NCAM1: variants seen among roughly 807,000 people sequenced by gnomAD.
The protein encoded by NCAM1 is neural cell adhesion molecule 1.
A neutral mutation model predicts 109.8 loss-of-function variants in NCAM1; 14 were observed. The ratio of observed to expected loss-of-function variants is 0.13; its 90% CI spans 0.08 to 0.20. The LOEUF (loss-of-function observed/expected upper bound fraction) is 0.20, where lower values mean the gene tolerates loss of function less well. NCAM1 is among the 10% of genes least tolerant of loss of function. The pLI is 1.00. For synonymous variants in NCAM1, 418 were observed against 442.9 expected, an observed-to-expected ratio of 0.94 and a Z score of 0.70; for missense variants, 774 against 1,109.9, an observed-to-expected ratio of 0.70 and a Z score of 4.30.
At chr11:113,110,130 G>T (rs1037547794) in intron 1 of NCAM1, among the ~76,000 whole-genome samples, 3 of 152,088 alleles carry the variant, frequency 2.0e-5, no homozygotes, top group Non-Finnish European at 4.4e-5. Context: ...TTTTAATTCA[G>T]TTGCCATTTA....
At chr11:113,043,923 T>C (rs1365472578) in intron 1 of NCAM1, among the ~76,000 whole-genome samples, 2 of 151,312 alleles carry the variant, frequency 1.3e-5, no homozygotes, top group African/African-American at 4.9e-5. Context: ...TAAATGTGCC[T>C]AGATGTTTTT....
In NCAM1 at chr11:113,233,143, A is replaced by G; in HGVS notation, c.1523-4A>G. On this transcript the variant is annotated splice_polypyrimidine_tract_variant and splice_region_variant and intron_variant, in intron 12 of 19. Coordinates refer to ENST00000316851, the MANE Select transcript of NCAM1 (RefSeq NM_181351.5). This position sits in a 1 kb window ranked among gnomAD's most constrained non-coding sequence, Gnocchi z 4.5. ...CTGAGTCTCCATATGTGTCTTCCCC[A>G]CAGACACCCCCTCTTCACCATCCAT... is the stretch of plus-strand genomic sequence containing the variant. 5 of 1,611,526 alleles carry G rather than the reference A, an allele frequency of 3.1e-6. No homozygotes were observed. The highest frequency in any genetic ancestry group is 4.2e-6 in the Non-Finnish European group (5 of 1,179,288).
At chr11:113,109,215 G>A (rs1940320051) in intron 1 of NCAM1, among the ~76,000 whole-genome samples, 1 of 151,620 alleles carries the variant, frequency 6.6e-6, no homozygotes, top group Non-Finnish European at 1.5e-5. Flanking sequence ...GGGCGTGGTG[G>A]CATGCACCTG....
chr11:113,134,801 A>G (rs1941539394), intron 1 of NCAM1, among the ~76,000 whole-genome samples: 1 of 152,156 alleles, frequency 6.6e-6, no homozygotes, highest in Admixed American at 6.5e-5. Flanking sequence ...TTTCATGTAA[A>G]TGATGTGAGC....
Position 113,126,729 on chromosome 11 carries a change from A to G in NCAM1, c.53-75650A>G, listed in dbSNP as rs140811516. Among the ~76,000 whole-genome samples the G allele has an allele frequency of 3.0e-3, 450 of 152,310 alleles. 2 individuals carry two copies. The highest frequency in any genetic ancestry group is 0.01 in the African/African-American group (433 of 41,562). Reference sequence around the variant, plus strand: ...AGAAACATTGTTACTTTTCAATAGGAATCCACTCAAGTCCCCAACGCCCAC... The same window carrying G: ...AGAAACATTGTTACTTTTCAATAGGGATCCACTCAAGTCCCCAACGCCCAC... On this transcript the variant is annotated intron_variant, in intron 1 of 19. Transcript: ENST00000316851.
intron 13 of NCAM1, among the ~76,000 whole-genome samples, chr11:113,234,629 C>T (rs1945109141): frequency 6.6e-6 from 1 of 152,344 alleles, no homozygotes; most frequent in East Asian, 1.9e-4. Flanking sequence ...TCAGAATTTC[C>T]TTCCTGTTTA....
chr11:113,086,429 A>C (rs1211486331), intron 1 of NCAM1, among the ~76,000 whole-genome samples: 1 of 152,184 alleles, frequency 6.6e-6, no homozygotes, highest in Non-Finnish European at 1.5e-5. Flanking sequence ...TCTTAAATAC[A>C]CTTTTCATTG....
At position 113,232,332 on chromosome 11, in the gene NCAM1, C is replaced by T. The variant is rs892204462; in HGVS notation, c.1403C>T (p.Thr468Ile). The T allele has an allele frequency of 3.1e-6, 5 of 1,611,158 alleles. No individual in the cohort carries two copies. The highest frequency in any genetic ancestry group is 4.2e-6 in the Non-Finnish European group (5 of 1,178,466). The change falls in exon 11 of 20, where the codon ACC (threonine) becomes ATC (isoleucine). Residue 468 changes from threonine to isoleucine, a missense_variant. Thr to Ile is a moderately conservative substitution (Grantham distance 89, BLOSUM62 -1). Coordinates refer to ENST00000316851, the MANE Select transcript of NCAM1 (RefSeq NM_181351.5). ...TACAGCAATATCAAGATCTACAACA[C>T]CCCCTCTGCCAGCTATCTGGAGGTG... is the stretch of plus-strand genomic sequence containing the variant. ...SNYSNIKIYN[T>I]PSASYLEVTP...
intron 1 of NCAM1, among the ~76,000 whole-genome samples, chr11:113,037,338 C>G (rs916997769): frequency 5.9e-5 from 9 of 152,276 alleles, no homozygotes; most frequent in African/African-American, 9.6e-5. Flanking sequence ...GCTGTAATCC[C>G]TTTGCTCTTT....
intron 1 of NCAM1, among the ~76,000 whole-genome samples, chr11:113,172,576 T>G (rs1943028480): frequency 6.6e-6 from 1 of 152,204 alleles, no homozygotes; most frequent in Admixed American, 6.5e-5. Flanking sequence ...TTTAGAAGAT[T>G]GCACATTTTG....
rs1240444095 is a variant in NCAM1 at position 113,233,082 on chromosome 11, CT to C, written c.1523-64del. On this transcript the variant is annotated intron_variant, in intron 12 of 19. Transcript: ENST00000316851. The surrounding 1 kb of genome is among the most constrained non-coding windows in gnomAD (Gnocchi z 4.5). ...GAAATGACAGAGATGTGCCTTGTGA[CT>C]GAGAGTTAATGGTCTTGGGCCAAAC... 10 of 1,473,438 alleles carry C rather than the reference CT, an allele frequency of 6.8e-6. No individual in the cohort carries two copies. The African/African-American group carries it at 1.3e-4, about 19-fold the overall frequency. 91.3% of individuals were successfully genotyped at this position (1,473,438 alleles called of 1,614,324 possible). A position where few individuals can be genotyped will look rare whatever the true frequency, so the allele number is the denominator to read the frequency against.
chr11:113,129,710 A>G (rs1193271124), intron 1 of NCAM1, among the ~76,000 whole-genome samples: 2 of 152,196 alleles, frequency 1.3e-5, no homozygotes, highest in Admixed American at 1.3e-4. Context: ...GATTCCTAGG[A>G]GAGAGGCAGG....
Position 113,271,769 on chromosome 11 carries a change from G to T in NCAM1, c.2349G>T (p.Glu783Asp), listed in dbSNP as rs1448963853. Residue 783 changes from glutamate (E) to aspartate (D), a missense_variant, in exon 19 of 20, where the codon GAG (glutamate) becomes GAT (aspartate). Glu to Asp is a conservative substitution (Grantham distance 45). Coordinates refer to ENST00000316851, the MANE Select transcript of NCAM1 (RefSeq NM_181351.5). ...EEGKAAFSKD[E>D]SKEPIVEVRT... Reference sequence around the variant, plus strand: ...AGTACTGTCTCCACAGGAAAGATGAGTCCAAGGAGCCCATCGTGGAGGTTC... The same window carrying T: ...AGTACTGTCTCCACAGGAAAGATGATTCCAAGGAGCCCATCGTGGAGGTTC... The T allele has an allele frequency of 1.5e-5, 24 of 1,557,324 alleles. No homozygotes were observed. Among genetic ancestry groups the T allele is most frequent in the Non-Finnish European group, 2.0e-5 (23 of 1,150,428 alleles).
chr11:113,152,083 G>A (rs1555102551), intron 1 of NCAM1, among the ~76,000 whole-genome samples: 1 of 152,132 alleles, frequency 6.6e-6, no homozygotes, highest in African/African-American at 2.4e-5. Flanking sequence ...ATAAGAAATG[G>A]TTGAAAGCAT....
At chr11:113,042,745 A>G (rs556410271) in intron 1 of NCAM1, among the ~76,000 whole-genome samples, 2 of 152,256 alleles carry the variant, frequency 1.3e-5, no homozygotes, top group East Asian at 1.9e-4. Context: ...GATCTGCCTC[A>G]GCCCTGACTT....
rs555978177 is a variant in NCAM1 at position 113,220,584 on chromosome 11, T to G, written c.1060-712T>G. ...TATAAAATCCAAAGAAGGAGACCTA[T>G]TCTCTCTCTCTCTCTCTCTTTTTTT... On this transcript the variant is annotated intron_variant, in intron 8 of 19. Transcript: ENST00000316851. Among the ~76,000 whole-genome samples the G allele has an allele frequency of 2.4e-4, 34 of 140,224 alleles. No homozygotes were observed. In the South Asian group the frequency reaches 4.8e-3, roughly 20 times the overall value. The allele number at this position is 140,224 out of a possible 152,430, so 92.0% of individuals were successfully genotyped here. A position where few individuals can be genotyped will look rare whatever the true frequency, so the allele number is the denominator to read the frequency against.
chr11:113,206,739 T>TC (rs35767826), intron 5 of NCAM1, among the ~76,000 whole-genome samples: 1 of 152,210 alleles, frequency 6.6e-6, no homozygotes, highest in Admixed American at 6.5e-5. Context: ...TGCCAAACTC[T>TC]CCCCATCTCA....
intron 1 of NCAM1, among the ~76,000 whole-genome samples, chr11:113,021,133 A>G (rs1565387077): frequency 6.6e-6 from 1 of 152,210 alleles, no homozygotes; most frequent in Non-Finnish European, 1.5e-5. Context: ...CAGTAATAAT[A>G]GGAATAACAG....
intron 1 of NCAM1, among the ~76,000 whole-genome samples, chr11:113,067,123 T>C (rs1938003597): frequency 6.6e-6 from 1 of 151,894 alleles, no homozygotes; most frequent in East Asian, 1.9e-4. Context: ...TCCACCACAC[T>C]ACAGGAGAGG....
Sources: gnomAD v4.1 joint callset for allele counts (sites outside exome capture counted in the v4.1 genomes callset) on GRCh38, gnomAD v4.1.1 for gene constraint, Gnocchi (gnomAD v3.1) non-coding constraint, MANE v1.5 for transcripts, NCBI Gene and HGNC (gene_info 2026-07-23, HGNC 2026-07-21) for gene names.